The following TIAM1 variants were observed in gnomAD, a reference collection of about 807,000 sequenced individuals.
TIAM1 encodes the protein TIAM Rac1 associated GEF 1.
TIAM1 carries 65 observed loss-of-function variants against 163.5 expected under a neutral mutation model. The ratio of observed to expected loss-of-function variants is 0.40; its 90% CI spans 0.33 to 0.49. The LOEUF is 0.49. Among genes scored for constraint, TIAM1 ranks in the 20% least tolerant of loss-of-function variants. TIAM1 has a pLI of 0.77. For missense variants in TIAM1, 1,789 were observed against 2,044.7 expected, an observed-to-expected ratio of 0.87 and a Z score of 2.41; for synonymous variants, 833 against 810.1, an observed-to-expected ratio of 1.03 and a Z score of -0.48.
intron 1 of TIAM1, among the ~76,000 whole-genome samples, chr21:31,479,951 A>C (rs2046060293): frequency 6.6e-6 from 1 of 151,776 alleles, no homozygotes; most frequent in African/African-American, 2.4e-5. Flanking sequence ...ACCCCTCTCC[A>C]CCCTCCTAGG....
At chr21:31,330,780 T>A (rs1169037952) in intron 2 of TIAM1, among the ~76,000 whole-genome samples, 3 of 152,188 alleles carry the variant, frequency 2.0e-5, no homozygotes, top group Non-Finnish European at 2.9e-5. Context: ...CTTAGTGAGT[T>A]AGAGACAAAA....
rs551162721 is a variant in TIAM1 at position 31,227,020 on chromosome 21, G to A, written c.1585-1070C>T. ...TGCCCAGGCTGGAGTGCAGTGGCGC[G>A]ATCTTGGCTCACTGCAGCCTCTGCC... On this transcript the variant is annotated intron_variant, in intron 6 of 27. Transcript: ENST00000541036. 4.8e-5 allele frequency among the ~76,000 whole-genome samples: 7 copies of A among 145,380 alleles called. No individual in the cohort carries two copies. In the South Asian group the frequency reaches 6.5e-4, roughly 14 times the overall value.
At chr21:31,186,385 C>G (rs550254585) in intron 14 of TIAM1, among the ~76,000 whole-genome samples, 2 of 152,284 alleles carry the variant, frequency 1.3e-5, no homozygotes, top group East Asian at 3.9e-4. Context: ...GGTCTTCCCC[C>G]ATGCTCTGCT....
At chr21:31,559,078 C>T (rs1467309836), upstream of TIAM1, 1 of 152,108 alleles carries the variant, frequency 6.6e-6, no homozygotes, top group Admixed American at 6.6e-5. Context: ...CTCGAACCCG[C>T]TCGTGGTCTG....
chr21:31,124,355 G>A (rs968266946), intron 27 of TIAM1, 167 bp downstream of exon 27: 2 of 908,152 alleles, frequency 2.2e-6, no homozygotes, highest in African/African-American at 1.7e-5. Context: ...GGAGCCACTG[G>A]GAAGGAGGCA....
rs115242221 is a variant in TIAM1, at chr21:31,412,237, C to T, written c.-369+51746G>A. 8.2e-3 allele frequency among the ~76,000 whole-genome samples: 1,252 copies of T among 152,236 alleles called. 18 individuals carry two copies. Among genetic ancestry groups the T allele is most frequent in the African/African-American group, 0.028 (1,172 of 41,534 alleles). On this transcript the variant is annotated intron_variant, in intron 2 of 28. Transcript: ENST00000286827. The stretch of plus-strand genomic sequence containing the variant: ...GGAGCTAAATAATGTGTACTCATGG[C>T]TGTAGAGTGTGGAACGATAGACAAC...
intron 2 of TIAM1, among the ~76,000 whole-genome samples, chr21:31,291,704 G>C (rs1477876165): frequency 1.3e-5 from 2 of 152,192 alleles, no homozygotes; most frequent in African/African-American, 4.8e-5. Flanking sequence ...TGTATTTTTA[G>C]TTGAGAAAGA....
At chr21:31,162,249 A>G (rs1038480012) in intron 16 of TIAM1, among the ~76,000 whole-genome samples, 3 of 152,202 alleles carry the variant, frequency 2.0e-5, no homozygotes, top group Non-Finnish European at 4.4e-5. Flanking sequence ...ATCTCCCTCA[A>G]GAGTGTTGTG....
intron 2 of TIAM1, among the ~76,000 whole-genome samples, chr21:31,299,548 G>GA (rs2074422617): frequency 6.6e-6 from 1 of 152,190 alleles, no homozygotes; most frequent in South Asian, 2.1e-4. Flanking sequence ...CTTGAAATCT[G>GA]AAACAGATAA....
chr21:31,204,014 C>A (rs901367265), intron 11 of TIAM1, among the ~76,000 whole-genome samples: 2 of 152,152 alleles, frequency 1.3e-5, no homozygotes, highest in African/African-American at 4.8e-5. Context: ...TTTTTTCTTC[C>A]TGTCTAAAAA....
At chr21:31,535,237 T>G (rs2123245503) in intron 1 of TIAM1, among the ~76,000 whole-genome samples, 1 of 151,238 alleles carries the variant, frequency 6.6e-6, no homozygotes, top group South Asian at 2.1e-4. Flanking sequence ...AAAAATTAGC[T>G]GGGCATGGTG....
chr21:31,266,323 C>T lies in TIAM1; in HGVS notation c.650G>A (p.Arg217Gln), dbSNP rs755966926. The change falls in exon 4 of 28, where the codon CGG becomes CAG. Residue 217 changes from arginine to glutamine, a missense_variant. Arg to Gln is a conservative substitution (Grantham distance 43, BLOSUM62 1). Around this residue, in one of 5 missense-constraint regions of TIAM1, gnomAD observed 555 missense variants for 564.9 expected, o/e 0.98. Coordinates refer to ENST00000541036, the MANE Select transcript of TIAM1 (RefSeq NM_001353694.2). Reference sequence around the variant, plus strand: ...GGTGCTGAGCTGCCGCGGACTCGCCCGCGTTTCCATCCCCCGAGCCTCCTC... The same window carrying T: ...GGTGCTGAGCTGCCGCGGACTCGCCTGCGTTTCCATCCCCCGAGCCTCCTC... The part of the protein sequence containing the change: ...DCEEARGMET[R>Q]ASPRQLSTCQ... 25 of 1,614,238 alleles carry T rather than the reference C, an allele frequency of 1.5e-5. No homozygotes were observed. The highest frequency in any genetic ancestry group is 1.9e-5 in the Non-Finnish European group (22 of 1,180,042).
intron 20 of TIAM1, among the ~76,000 whole-genome samples, chr21:31,143,830 A>T (rs527628001): frequency 6.6e-6 from 1 of 151,726 alleles, no homozygotes; most frequent in Non-Finnish European, 1.5e-5. Context: ...GAGTTCAAGC[A>T]ATTGTCCTGC....
At chr21:31,124,797 G>C (rs544552493) in intron 26 of TIAM1, 103 bp from the exon 27 acceptor site, 1 of 1,019,328 alleles carries the variant, frequency 9.8e-7, no homozygotes, top group African/African-American at 1.6e-5. Context: ...TAGGGCCAAA[G>C]GCTAAAGACT....
At chr21:31,335,816 A>G (rs1321522105) in intron 2 of TIAM1, among the ~76,000 whole-genome samples, 1 of 152,228 alleles carries the variant, frequency 6.6e-6, no homozygotes, top group Non-Finnish European at 1.5e-5. Context: ...CCGGAGGTCA[A>G]GATGTGTGGG....
intron 2 of TIAM1, among the ~76,000 whole-genome samples, chr21:31,350,303 T>C (rs2076213452): frequency 6.6e-6 from 1 of 152,158 alleles, no homozygotes; most frequent in African/African-American, 2.4e-5. Flanking sequence ...GGGAATCATT[T>C]TGATTTTTAT....
intron 6 of TIAM1, among the ~76,000 whole-genome samples, chr21:31,232,061 G>C (rs1601640340): frequency 6.6e-6 from 1 of 151,958 alleles, no homozygotes; most frequent in African/African-American, 2.4e-5. Flanking sequence ...TTGCACAACA[G>C]GGTAAATGTA....
intron 2 of TIAM1, among the ~76,000 whole-genome samples, chr21:31,454,814 C>A (rs974289480): frequency 2.0e-5 from 3 of 152,154 alleles, no homozygotes; most frequent in African/African-American, 7.2e-5. Context: ...AGTGTGAATT[C>A]ATGTGTGTGA....
intron 2 of TIAM1, among the ~76,000 whole-genome samples, chr21:31,315,084 T>A (rs1460897524): frequency 6.6e-6 from 1 of 152,130 alleles, no homozygotes; most frequent in Non-Finnish European, 1.5e-5. Context: ...AAAATCAACA[T>A]GCAATGAGGC....
Sources: gnomAD v4.1 joint callset for allele counts (sites outside exome capture counted in the v4.1 genomes callset) on GRCh38, gnomAD v4.1.1 for gene constraint, gnomAD v4.1.1 regional missense constraint, MANE v1.5 for transcripts, NCBI Gene and HGNC (gene_info 2026-07-23, HGNC 2026-07-21) for gene names.